The following LRRIQ1 variants were observed in gnomAD, a reference collection of about 807,000 sequenced individuals.
LRRIQ1 encodes the protein leucine-rich repeat- and IQ domain-containing protein 1.
LRRIQ1 carries 210 observed loss-of-function variants against 211.9 expected under a neutral mutation model. The ratio of observed to expected loss-of-function variants is 0.99; its 90% CI spans 0.89 to 1.11. The LOEUF (loss-of-function observed/expected upper bound fraction) is 1.11. Among genes scored for constraint, LRRIQ1 ranks in the 50% most tolerant of loss-of-function variants. LRRIQ1 has a pLI of 0.00. For synonymous variants in LRRIQ1, 699 were observed against 650.1 expected, an observed-to-expected ratio of 1.08 and a Z score of -1.14; for missense variants, 2,136 against 1,939.5, an observed-to-expected ratio of 1.10 and a Z score of -1.90.
At chr12:85,170,376 G>C (rs1891358011) in intron 24 of LRRIQ1, among the ~76,000 whole-genome samples, 2 of 150,890 alleles carry the variant, frequency 1.3e-5, no homozygotes, top group African/African-American at 4.9e-5. Context: ...CTTAGTACAA[G>C]CATATACATG....
At position 85,241,246 on chromosome 12, in the gene LRRIQ1, T is replaced by C. The variant is rs554034530; in HGVS notation, c.5017-3543T>C. 2.6e-5 allele frequency among the ~76,000 whole-genome samples: 4 copies of C among 152,148 alleles called. No individual in the cohort carries two copies. The East Asian group carries it at 7.7e-4, about 29-fold the overall frequency. ...TTTTAAACTTCTATGGGAGTTGAAC[T>C]TCATGTTTAAGGTCTTTGCACTTTA... On this transcript the variant is annotated intron_variant, in intron 26 of 26. Transcript: ENST00000393217.
intron 26 of LRRIQ1, among the ~76,000 whole-genome samples, chr12:85,239,671 C>A (rs1895372876): frequency 6.6e-6 from 1 of 151,842 alleles, no homozygotes; most frequent in African/African-American, 2.4e-5. Context: ...AATTTAAAAG[C>A]CAAAATTGTA....
chr12:85,080,639 T>A (rs1169373231), intron 11 of LRRIQ1, among the ~76,000 whole-genome samples: 1 of 151,490 alleles, frequency 6.6e-6, no homozygotes, highest in African/African-American at 2.4e-5. Context: ...TGTTTGCAGT[T>A]GTTGTAGTTT....
chr12:85,088,056 T>C (rs899534058), intron 11 of LRRIQ1, among the ~76,000 whole-genome samples: 7 of 152,220 alleles, frequency 4.6e-5, no homozygotes, highest in Admixed American at 1.3e-4. Context: ...CTAGGTTTTC[T>C]TCTAGGGCTT....
In LRRIQ1 at chr12:85,044,633, T is replaced by C. The variant is rs968689786; in HGVS notation, c.245-85T>C. 9.8e-5 allele frequency: 60 copies of C among 613,932 alleles called. No homozygotes were observed. In the African/African-American group the frequency reaches 1.1e-3, roughly 11 times the overall value. The allele number at this position is 613,932 out of a possible 1,614,324, so 38.0% of individuals were successfully genotyped here. A position where few individuals can be genotyped will look rare whatever the true frequency, so the allele number is the denominator to read the frequency against. On this transcript the variant is annotated intron_variant, in intron 3 of 26. Transcript: ENST00000393217. ...CAATATACCCTGATAGAATTTGAGGTTAAAAATTAAGAAAGGGTTTGAAAT... is the reference window on the plus strand; with the variant it reads ...CAATATACCCTGATAGAATTTGAGGCTAAAAATTAAGAAAGGGTTTGAAAT...
intron 24 of LRRIQ1, among the ~76,000 whole-genome samples, chr12:85,198,954 A>G (rs1893157278): frequency 2.6e-5 from 4 of 152,082 alleles, no homozygotes; most frequent in Admixed American, 2.6e-4. Context: ...CCACTTTTTA[A>G]TGGGGTTGTT....
chr12:85,056,607 T>G lies in LRRIQ1; in HGVS notation c.1814T>G (p.Leu605Ter). Residue 605 changes from leucine to a stop codon, truncating the protein, a stop_gained, in exon 8 of 27, where the codon TTA becomes TGA. Transcript: ENST00000393217. LOFTEE classifies it high-confidence loss of function. Reference protein sequence around the residue: ...NGLLYKDKDTLVISVKQRSLS... With the variant: ...NGLLYKDKDT ...TTATTATATAAAGATAAGGATACTTTAGTTATTTCAGTGAAACAAAGATCA... is the reference window on the plus strand; with the variant it reads ...TTATTATATAAAGATAAGGATACTTGAGTTATTTCAGTGAAACAAAGATCA... 1 of 1,594,458 alleles carries G rather than the reference T, an allele frequency of 6.3e-7. No individual in the cohort carries two copies. The highest frequency in any genetic ancestry group is 2.2e-5 in the East Asian group (1 of 44,532).
chr12:85,049,501 T>C (rs1017034888), intron 6 of LRRIQ1, among the ~76,000 whole-genome samples: 1 of 152,152 alleles, frequency 6.6e-6, no homozygotes. Flanking sequence ...ACACCTGCTT[T>C]TTCTATATGC....
At chr12:85,044,644 G>T in intron 3 of LRRIQ1, 74 bp from the exon 4 acceptor site, 1 of 678,684 alleles carries the variant, frequency 1.5e-6, no homozygotes. Context: ...TAAAAATTAA[G>T]AAAGGGTTTG....
chr12:85,049,227 A>C lies in LRRIQ1; in HGVS notation c.678+1757A>C, dbSNP rs113641808. Reference sequence around the variant, plus strand: ...TGGGTTGTTTGTTAGCTGCCTCTCCATTCCCCAAAATAGCAATCATAAATC... The same window carrying C: ...TGGGTTGTTTGTTAGCTGCCTCTCCCTTCCCCAAAATAGCAATCATAAATC... On this transcript the variant is annotated intron_variant, in intron 6 of 26. Transcript: ENST00000393217. Among the ~76,000 whole-genome samples the C allele has an allele frequency of 4.6e-5, 7 of 152,040 alleles. No individual in the cohort carries two copies. The East Asian group carries it at 1.4e-3, about 29-fold the overall frequency.
intron 11 of LRRIQ1, among the ~76,000 whole-genome samples, chr12:85,079,643 A>G (rs1305481840): frequency 1.3e-5 from 2 of 152,116 alleles, no homozygotes; most frequent in African/African-American, 4.8e-5. Flanking sequence ...TACAAACTCT[A>G]GCTTTGATTT....
At chr12:85,247,604 A>G (rs1293558982), downstream of LRRIQ1, among the ~76,000 whole-genome samples, 1 of 151,606 alleles carries the variant, frequency 6.6e-6, no homozygotes, top group Non-Finnish European at 1.5e-5. Flanking sequence ...TAATGTTTAT[A>G]TCATAGTTTT....
In LRRIQ1 at chr12:85,056,054, G is replaced by C. The variant is rs778711495; in HGVS notation, c.1261G>C (p.Asp421His). Residue 421 changes from aspartate to histidine, a missense_variant, in exon 8 of 27, where the codon GAT becomes CAT. By Grantham distance (81) the Asp-to-His change is moderately conservative. Coordinates refer to ENST00000393217, the MANE Select transcript of LRRIQ1 (RefSeq NM_001079910.2). The stretch of plus-strand genomic sequence containing the variant: ...TGAAGATATTTCAAATGATAAGGGT[G>C]ATATAGCCAAAAATCTAGTGGATGA... Reference protein sequence around the residue: ...SLEDISNDKGDIAKNLVDENS... With the variant: ...SLEDISNDKGHIAKNLVDENS... The C allele has an allele frequency of 1.3e-6, 2 of 1,597,854 alleles. No individual in the cohort carries two copies. Among genetic ancestry groups the C allele is most frequent in the Non-Finnish European group, 1.7e-6 (2 of 1,175,616 alleles).
intron 24 of LRRIQ1, among the ~76,000 whole-genome samples, chr12:85,165,997 G>T (rs1318335615): frequency 6.6e-6 from 1 of 152,062 alleles, no homozygotes; most frequent in African/African-American, 2.4e-5. Context: ...TCTATTTTCA[G>T]TTCTTTGAGA....
intron 25 of LRRIQ1, among the ~76,000 whole-genome samples, chr12:85,230,877 G>A (rs562372088): frequency 6.6e-6 from 1 of 151,480 alleles, no homozygotes; most frequent in African/African-American, 2.4e-5. Flanking sequence ...GTGAAACCCC[G>A]TCTCTACTAA....
At chr12:85,256,785 C>T (rs1275901302) in intron 1 of LRRIQ1, among the ~76,000 whole-genome samples, 5 of 150,416 alleles carry the variant, frequency 3.3e-5, no homozygotes, top group Non-Finnish European at 4.5e-5. Flanking sequence ...GAAAGAAATA[C>T]GTGTTGAATG....
chr12:85,149,423 C>T (rs551911158), intron 19 of LRRIQ1, among the ~76,000 whole-genome samples: 13 of 151,954 alleles, frequency 8.6e-5, no homozygotes, highest in African/African-American at 2.9e-4. Context: ...TTTCCCATTG[C>T]TTATTTTTGT....
Position 85,098,418 on chromosome 12 carries a change from C to A in LRRIQ1, c.2951C>A (p.Thr984Lys). The change falls in exon 12 of 27, where the codon ACA becomes AAA. Residue 984 changes from threonine (T) to lysine (K), a missense_variant. Thr to Lys is a moderately conservative substitution (Grantham distance 78). Coordinates refer to ENST00000393217, the MANE Select transcript of LRRIQ1 (RefSeq NM_001079910.2). ...TTGGACCACAATCAGTTAATTAATA[C>A]AAAAGGTCTTTGTGATACACCTACC... ...LILDHNQLIN[T>K]KGLCDTPTIV... is the part of the protein sequence containing the mutation. 6.2e-7 allele frequency: 1 copy of A among 1,610,722 alleles called. No individual in the cohort carries two copies. The highest frequency in any genetic ancestry group is 8.5e-7 in the Non-Finnish European group (1 of 1,178,156).
At chr12:85,083,673 C>T (rs1565817713) in intron 11 of LRRIQ1, among the ~76,000 whole-genome samples, 2 of 152,184 alleles carry the variant, frequency 1.3e-5, no homozygotes, top group Admixed American at 6.5e-5. Context: ...CTCTTGACCT[C>T]GTGATCTGCC....
Sources: gnomAD v4.1 joint callset for allele counts (sites outside exome capture counted in the v4.1 genomes callset) on GRCh38, gnomAD v4.1.1 for gene constraint, MANE v1.5 for transcripts, NCBI Gene and HGNC (gene_info 2026-07-23, HGNC 2026-07-21) for gene names.